Variants in OSBPL9 observed in about 807,000 individuals in gnomAD.
OSBPL9 encodes oxysterol binding protein like 9.
In OSBPL9, 40 loss-of-function variants were observed where a neutral mutation model predicts 106.6. The ratio of observed to expected loss-of-function variants is 0.38; its 90% confidence interval spans 0.29 to 0.49. The LOEUF is 0.49. Among genes scored for constraint, OSBPL9 ranks in the 20% least tolerant of loss-of-function variants. The pLI is 0.97. For missense variants in OSBPL9, 609 were observed against 887.2 expected (o/e 0.69, Z 3.98); for synonymous variants, 269 against 295.4 (o/e 0.91, Z 0.92).
the OSBPL9 span, among the ~76,000 whole-genome samples, chr1:51,525,606 G>T: frequency 6.6e-6 from 1 of 152,106 alleles, no homozygotes; most frequent in Non-Finnish European, 1.5e-5. Flanking sequence ...CTGTCGGCTC[G>T]ATCTCCAATA....
the OSBPL9 span, among the ~76,000 whole-genome samples, chr1:51,551,807 G>T: frequency 1.3e-5 from 2 of 151,750 alleles, no homozygotes; most frequent in Non-Finnish European, 2.9e-5. Context: ...TGCTTAGGCT[G>T]GTCTTGAACT....
At chr1:51,535,811 G>A in the OSBPL9 span, among the ~76,000 whole-genome samples, 6 of 151,848 alleles carry the variant, frequency 4.0e-5, no homozygotes, top group Admixed American at 3.3e-4. Context: ...CCCCCACCCC[G>A]CCGCCCTTGT....
At chr1:51,573,457 G>A (rs1435097161), upstream of OSBPL9, among the ~76,000 whole-genome samples, 2 of 138,558 alleles carry the variant, frequency 1.4e-5, no homozygotes, top group East Asian at 2.2e-4. Flanking sequence ...GTGGTGAGCC[G>A]AGATTGTACC....
chr1:51,761,266 T>G (rs1436031815), intron 10 of OSBPL9, among the ~76,000 whole-genome samples: 2 of 152,104 alleles, frequency 1.3e-5, no homozygotes, highest in East Asian at 3.9e-4. Flanking sequence ...TTTTTTTTTT[T>G]TTTGTATAAA....
chr1:51,628,565 C>T (rs1293408892), intron 1 of OSBPL9, among the ~76,000 whole-genome samples: 1 of 149,434 alleles, frequency 6.7e-6, no homozygotes, highest in Non-Finnish European at 1.5e-5. Context: ...GCCTGGGCGA[C>T]AGAGCAAGAC....
chr1:51,565,037 C>T, the OSBPL9 span, among the ~76,000 whole-genome samples: 14 of 152,290 alleles, frequency 9.2e-5, 1 homozygote, highest in South Asian at 4.1e-4. Flanking sequence ...CTTACTACAC[C>T]TCCCTCCACC....
At chr1:51,580,742 A>G (rs901826274) in intron 1 of OSBPL9, among the ~76,000 whole-genome samples, 3 of 151,232 alleles carry the variant, frequency 2.0e-5, no homozygotes, top group African/African-American at 7.3e-5. Context: ...TTCTTATTTT[A>G]TATTTCTTCA....
chr1:51,551,693 C>T, the OSBPL9 span, among the ~76,000 whole-genome samples: 2 of 151,810 alleles, frequency 1.3e-5, no homozygotes, highest in African/African-American at 2.4e-5. Flanking sequence ...CTCAAGGGGT[C>T]CTCCCACCTC....
chr1:51,656,907 A>T (rs1646854667), intron 2 of OSBPL9, among the ~76,000 whole-genome samples: 1 of 151,598 alleles, frequency 6.6e-6, no homozygotes. Context: ...CTAACTCCCG[A>T]CCTCAGGCAG....
chr1:51,673,846 A>T (rs1650516074), intron 3 of OSBPL9, among the ~76,000 whole-genome samples: 1 of 150,272 alleles, frequency 6.7e-6, no homozygotes, highest in Non-Finnish European at 1.5e-5. Context: ...TAGCCACTGC[A>T]CTCCAGCCTG....
intron 12 of OSBPL9, among the ~76,000 whole-genome samples, chr1:51,766,595 T>C (rs542505054): frequency 6.6e-6 from 1 of 152,240 alleles, no homozygotes; most frequent in South Asian, 2.1e-4. Context: ...ACAACAGAAA[T>C]TTATTTCCTA....
the OSBPL9 span, among the ~76,000 whole-genome samples, chr1:51,571,282 T>G: frequency 6.6e-6 from 1 of 152,340 alleles, no homozygotes; most frequent in East Asian, 1.9e-4. Context: ...CAGGTCCTGA[T>G]TCAGACATCT....
chr1:51,669,051 CT>C (rs1161357232), intron 2 of OSBPL9, among the ~76,000 whole-genome samples: 2 of 152,314 alleles, frequency 1.3e-5, no homozygotes, highest in Middle Eastern at 3.4e-3. Flanking sequence ...CACCTGCCTT[CT>C]TTCAGCCTTA....
intron 3 of OSBPL9, among the ~76,000 whole-genome samples, chr1:51,705,391 ATATATATATTTTTTTTTTT>A (rs1435017010): frequency 6.5e-4 from 36 of 55,342 alleles, no homozygotes; most frequent in African/African-American, 3.0e-3. Flanking sequence ...ATATATATAT[ATATATATATTTTTTTTTTT>A]TTTTTTTTTT....
At chr1:51,533,845 CTTTTTT>C in the OSBPL9 span, among the ~76,000 whole-genome samples, 1 of 116,332 alleles carries the variant, frequency 8.6e-6, no homozygotes, top group African/African-American at 3.2e-5. Flanking sequence ...TTTTTTCTTT[CTTTTTT>C]TTTTTTTTTT....
At chr1:51,741,294 A>G (rs1024070442) in intron 4 of OSBPL9, among the ~76,000 whole-genome samples, 2 of 152,024 alleles carry the variant, frequency 1.3e-5, no homozygotes, top group South Asian at 4.1e-4. Flanking sequence ...ATTAAACTGG[A>G]TACATAGATT....
At chr1:51,633,819 C>A (rs934105402) in intron 1 of OSBPL9, among the ~76,000 whole-genome samples, 7 of 152,052 alleles carry the variant, frequency 4.6e-5, no homozygotes, top group African/African-American at 1.7e-4. Flanking sequence ...GAAATGGGGC[C>A]TCACTATGTT....
intron 2 of OSBPL9, among the ~76,000 whole-genome samples, chr1:51,658,644 T>G (rs1646960065): frequency 6.6e-6 from 1 of 152,210 alleles, no homozygotes; most frequent in South Asian, 2.1e-4. Context: ...CTATTCTCTT[T>G]TCTTTTAGTC....
intron 9 of OSBPL9, 45 bp downstream of exon 9, chr1:51,756,403 C>T (rs1311718443): frequency 6.4e-7 from 1 of 1,558,860 alleles, no homozygotes; most frequent in Non-Finnish European, 8.8e-7. Context: ...TTCTGCAGAG[C>T]ATTATAACCA....
Sources: gnomAD v4.1 joint callset for allele counts (sites outside exome capture counted in the v4.1 genomes callset) on GRCh38, gnomAD v4.1.1 for gene constraint, MANE v1.5 for transcripts, NCBI Gene and HGNC (gene_info 2026-07-23, HGNC 2026-07-21) for gene names.